The following ECT2L variants were observed in gnomAD, a reference collection of about 807,000 sequenced individuals.
ECT2L encodes epithelial cell transforming 2 like, also known as epithelial cell-transforming sequence 2 oncogene-like.
ECT2L carries 126 observed loss-of-function variants against 122.8 expected under a neutral mutation model. The observed-to-expected ratio is 1.03, with a 90% CI of 0.89 to 1.19. The LOEUF (loss-of-function observed/expected upper bound fraction) is 1.19, where lower values mean the gene tolerates loss of function less well. Among genes scored for constraint, ECT2L ranks in the 50% most tolerant of loss-of-function variants. The probability of loss-of-function intolerance (pLI) is 0.00; values close to 1 mark genes in which losing one functional copy is unlikely to be tolerated. For missense variants in ECT2L, 1,012 were observed against 1,064.1 expected, an observed-to-expected ratio of 0.95 and a Z score of 0.68; for synonymous variants, 385 against 381.8, an observed-to-expected ratio of 1.01 and a Z score of -0.10.
At chr6:138,876,670 TAA>T (rs10708030) in intron 14 of ECT2L, 112 bp downstream of exon 14, 4,514 of 461,334 alleles carry the variant, frequency 9.8e-3, no homozygotes, top group Non-Finnish European at 0.012. Flanking sequence ...TTTGGGGGAT[TAA>T]AAAAAAAAAA....
At chr6:138,853,940 T>G in intron 9 of ECT2L, 86 bp from the exon 10 acceptor site, 1 of 1,470,590 alleles carries the variant, frequency 6.8e-7, no homozygotes, top group South Asian at 1.3e-5. Context: ...ATTTTGATTT[T>G]GTGCTTACAT....
At chr6:138,800,936 G>A (rs530062537) in intron 1 of ECT2L, among the ~76,000 whole-genome samples, 2 of 152,300 alleles carry the variant, frequency 1.3e-5, no homozygotes, top group South Asian at 2.1e-4. Flanking sequence ...ATGCCTTGTT[G>A]TTGCATTCTC....
intron 4 of ECT2L, among the ~76,000 whole-genome samples, chr6:138,834,540 G>T (rs10872495): frequency 0.22 from 33,625 of 152,036 alleles, 4,120 homozygotes; most frequent in Middle Eastern, 0.29. Context: ...TAGTAGACAT[G>T]AAAATCTAAA....
At position 138,904,044 on chromosome 6, in the gene ECT2L, A is replaced by C. The variant is rs974956566; in HGVS notation, c.*1417A>C. ...AATATTATGCTGTTTTATTGGTGTA[A>C]AACCACACTTCTGATTCTGCCAAGA... On this transcript the variant is annotated 3_prime_UTR_variant, in exon 22 of 22. Transcript: ENST00000541398. 7 of 152,222 alleles carry C rather than the reference A, an allele frequency of 4.6e-5. No individual in the cohort carries two copies. The highest frequency in any genetic ancestry group is 1.7e-4 in the African/African-American group (7 of 41,460). The allele number at this position is 152,222 out of a possible 1,614,324, so 9.4% of individuals were successfully genotyped here. A position where few individuals can be genotyped will look rare whatever the true frequency, so the allele number is the denominator to read the frequency against.
intron 1 of ECT2L, among the ~76,000 whole-genome samples, chr6:138,810,250 G>A (rs1291063460): frequency 6.6e-6 from 1 of 152,142 alleles, no homozygotes; most frequent in Non-Finnish European, 1.5e-5. Context: ...TCTTCAACTA[G>A]TAAAGAAAAA....
Position 138,902,736 on chromosome 6 carries a change from A to G in ECT2L, c.*109A>G, listed in dbSNP as rs186962880. 5 of 1,339,994 alleles carry G rather than the reference A, an allele frequency of 3.7e-6. No individual in the cohort carries two copies. In the East Asian group the frequency reaches 1.2e-4, roughly 31 times the overall value. The allele number at this position is 1,339,994 out of a possible 1,614,324, so 83.0% of individuals were successfully genotyped here. On this transcript the variant is annotated 3_prime_UTR_variant, in exon 22 of 22. Coordinates refer to ENST00000541398, the MANE Select transcript of ECT2L (RefSeq NM_001077706.3). Reference sequence around the variant, plus strand: ...AGAAACAGAATAACTGTCATGGATGATGAGATAAACTAAGATGACCCATAG... The same window carrying G: ...AGAAACAGAATAACTGTCATGGATGGTGAGATAAACTAAGATGACCCATAG...
At chr6:138,876,370 G>A (rs1778450253) in intron 13 of ECT2L, 102 bp from the exon 14 acceptor site, 1 of 718,280 alleles carries the variant, frequency 1.4e-6, no homozygotes, top group South Asian at 1.8e-5. Context: ...TGTGGTTGGG[G>A]CTGAAGGCAG....
intron 13 of ECT2L, among the ~76,000 whole-genome samples, chr6:138,869,036 G>C (rs6935100): frequency 6.6e-6 from 1 of 152,080 alleles, no homozygotes; most frequent in East Asian, 1.9e-4. Context: ...GCATGGTGGC[G>C]GGCACCTGTA....
intron 8 of ECT2L, among the ~76,000 whole-genome samples, chr6:138,846,964 T>TA (rs775229639): frequency 0.45 from 32,920 of 73,080 alleles, 6,456 homozygotes; most frequent in East Asian, 0.53. Context: ...TCTGTTTCTA[T>TA]AAAAAAAAAA....
chr6:138,818,696 G>A lies in ECT2L; in HGVS notation c.179+4093G>A, dbSNP rs950625945. On this transcript the variant is annotated intron_variant, in intron 4 of 21. Coordinates refer to ENST00000541398, the MANE Select transcript of ECT2L (RefSeq NM_001077706.3). ...GCTCAACTTCAAATGCAGCATGGGC[G>A]GATAGCCAAGGAGCAGGATGGGGCT... Among the ~76,000 whole-genome samples the A allele has an allele frequency of 3.9e-5, 6 of 152,118 alleles. No homozygotes were observed. In the East Asian group the frequency reaches 5.8e-4, roughly 15 times the overall value.
chr6:138,865,259 C>T (rs554799886), intron 12 of ECT2L, 81 bp downstream of exon 12: 24 of 1,366,402 alleles, frequency 1.8e-5, no homozygotes, highest in Admixed American at 5.1e-5. Flanking sequence ...TTAGTTATGG[C>T]GCAAGTAAAA....
intron 3 of ECT2L, among the ~76,000 whole-genome samples, chr6:138,814,036 G>A (rs1011847756): frequency 6.6e-6 from 1 of 152,148 alleles, no homozygotes; most frequent in African/African-American, 2.4e-5. Context: ...TCATCTTGGT[G>A]GGTGCTATAA....
intron 9 of ECT2L, among the ~76,000 whole-genome samples, chr6:138,852,461 A>T (rs1777483068): frequency 1.3e-5 from 2 of 152,176 alleles, no homozygotes; most frequent in Admixed American, 1.3e-4. Flanking sequence ...ACTTACTCAA[A>T]TGAAATCTTC....
intron 20 of ECT2L, among the ~76,000 whole-genome samples, chr6:138,889,622 T>C (rs1168692505): frequency 6.6e-6 from 1 of 152,164 alleles, no homozygotes; most frequent in Non-Finnish European, 1.5e-5. Flanking sequence ...ACCCGGCCAC[T>C]TTTCTACTTA....
intron 8 of ECT2L, among the ~76,000 whole-genome samples, chr6:138,847,047 C>T (rs1449471548): frequency 1.3e-5 from 2 of 149,682 alleles, no homozygotes; most frequent in Non-Finnish European, 3.0e-5. Context: ...GTAGGTGGAT[C>T]ACCTGAGGTC....
intron 13 of ECT2L, among the ~76,000 whole-genome samples, chr6:138,871,609 C>T (rs549916842): frequency 6.6e-6 from 1 of 152,224 alleles, no homozygotes; most frequent in African/African-American, 2.4e-5. Flanking sequence ...AATTTGAGAC[C>T]AGCCTGGCCA....
chr6:138,831,514 C>G (rs1776647603), intron 4 of ECT2L, among the ~76,000 whole-genome samples: 1 of 152,178 alleles, frequency 6.6e-6, no homozygotes, highest in Non-Finnish European at 1.5e-5. Context: ...ACATTGCCAT[C>G]TACCTAGGAG....
At chr6:138,840,104 G>C (rs1776984276) in intron 5 of ECT2L, among the ~76,000 whole-genome samples, 1 of 152,112 alleles carries the variant, frequency 6.6e-6, no homozygotes, top group Non-Finnish European at 1.5e-5. Context: ...AAAAGAGATT[G>C]TTATTTAAAA....
intron 15 of ECT2L, among the ~76,000 whole-genome samples, chr6:138,881,850 C>T (rs1778656966): frequency 1.3e-5 from 2 of 152,136 alleles, no homozygotes; most frequent in South Asian, 2.1e-4. Context: ...ACTCAACCCC[C>T]ACTCACCTCC....
Sources: allele counts gnomAD v4.1 joint callset (sites outside exome capture counted in the v4.1 genomes callset), GRCh38; gene constraint gnomAD v4.1.1; transcripts MANE v1.5; gene names NCBI Gene and HGNC (gene_info 2026-07-23, HGNC 2026-07-21).